TBC1D17: variants seen among roughly 807,000 people sequenced by gnomAD.
The protein encoded by TBC1D17 is TBC1 domain family, member 17.
Under a neutral mutation model 78.8 loss-of-function variants are expected in TBC1D17, and 69 were observed. The observed-to-expected ratio is 0.88, with a 90% confidence interval of 0.72 to 1.07. TBC1D17 has a LOEUF of 1.07. Ranked by LOEUF, TBC1D17 falls within the 50% of genes least tolerant of loss-of-function variation. The probability of loss-of-function intolerance (pLI) is 0.00; values close to 1 mark genes in which losing one functional copy is unlikely to be tolerated. For missense variants in TBC1D17, 957 were observed against 861.0 expected (o/e 1.11, Z -1.39); for synonymous variants, 456 against 358.3 (o/e 1.27, Z -3.08).
chr19:49,883,550 G>C, intron 9 of TBC1D17, 101 bp from the exon 10 acceptor site: 1 of 938,582 alleles, frequency 1.1e-6, no homozygotes, highest in Admixed American at 2.0e-5. Flanking sequence ...TGGTCAGGGA[G>C]GGGCTCTGCA....
At chr19:49,883,115 C>G in intron 9 of TBC1D17, 39 bp downstream of exon 9, 1 of 1,558,742 alleles carries the variant, frequency 6.4e-7, no homozygotes, top group Non-Finnish European at 8.7e-7. Context: ...AGGCATGACA[C>G]CTGGTACCTC....
intron 5 of TBC1D17, 58 bp from the exon 6 acceptor site, chr19:49,881,983 G>A: frequency 1.4e-6 from 2 of 1,461,716 alleles, no homozygotes; most frequent in South Asian, 1.1e-5. Flanking sequence ...AGCACAGACA[G>A]CCTGGGACAC....
Position 49,882,078 on chromosome 19 carries a change from C to T in TBC1D17, c.565C>T (p.His189Tyr), listed in dbSNP as rs1282740977. 1.9e-6 allele frequency: 3 copies of T among 1,614,028 alleles called. No homozygotes were observed. Among genetic ancestry groups the T allele is most frequent in the African/African-American group, 2.7e-5 (2 of 74,920 alleles). ...QDSRLYLVFP[H>Y]DSSALSNSFH... ...CTCCCGCCTCTACCTTGTCTTCCCC[C>T]ACGACTCCTCTGCTCTCTCCAACTC... The change falls in exon 6 of 17, where the codon CAC (histidine) becomes TAC (tyrosine). Residue 189 changes from histidine (H) to tyrosine (Y), a missense_variant. By Grantham distance (83) the His-to-Tyr change is moderately conservative (BLOSUM62 2). Coordinates refer to ENST00000221543, the MANE Select transcript of TBC1D17 (RefSeq NM_024682.3).
intron 13 of TBC1D17, chr19:49,885,487 T>C (rs1367998821): frequency 1.3e-5 from 2 of 150,494 alleles, no homozygotes; most frequent in Non-Finnish European, 2.9e-5. Context: ...CTTTATTACT[T>C]GGTCAATGTA....
At position 49,882,364 on chromosome 19, in the gene TBC1D17, C is replaced by T. The variant is rs751204115; in HGVS notation, c.762C>T (p.Asp254=). ...GAASDLPPPP[D]DEPEPGFEVI... is the part of the protein sequence containing the mutation. ...CCTCCGACCTTCCCCCGCCACCCGA[C>T]GATGAGCCCGAGCCTGGATTCGAGG... The change falls in exon 7 of 17, where the codon GAC becomes GAT. Residue 254 remains aspartate (D), a synonymous_variant. Coordinates refer to ENST00000221543, the MANE Select transcript of TBC1D17 (RefSeq NM_024682.3). The T allele has an allele frequency of 9.3e-6, 15 of 1,609,228 alleles. No individual in the cohort carries two copies. The highest frequency in any genetic ancestry group is 4.5e-5 in the East Asian group (2 of 44,890).
In TBC1D17 at chr19:49,883,637, C is replaced by T. The variant is rs2075034703; in HGVS notation, c.1032-14C>T. On this transcript the variant is annotated splice_polypyrimidine_tract_variant and intron_variant, in intron 9 of 16. Coordinates refer to ENST00000221543, the MANE Select transcript of TBC1D17 (RefSeq NM_024682.3). ...CAGTGGCGGCCTCACATCTTGTTTC[C>T]CTCTGTCACTCAGGGATGAGTATTT... 2 of 1,612,446 alleles carry T rather than the reference C, an allele frequency of 1.2e-6. No homozygotes were observed. Among genetic ancestry groups the T allele is most frequent in the Non-Finnish European group, 8.5e-7 (1 of 1,178,710 alleles).
chr19:49,883,838 C>T (rs1353961514), intron 10 of TBC1D17, 93 bp downstream of exon 10: 2 of 1,101,060 alleles, frequency 1.8e-6, no homozygotes, highest in Admixed American at 1.9e-5. Flanking sequence ...GAGGGAGCCC[C>T]CTGCCTCCCC....
At chr19:49,880,511 A>C in intron 4 of TBC1D17, 109 bp downstream of exon 4, 1 of 1,379,526 alleles carries the variant, frequency 7.2e-7, no homozygotes, top group Non-Finnish European at 9.7e-7. Flanking sequence ...CAAGAAGGCC[A>C]CCAGTCACCA....
chr19:49,886,600 A>G (rs1415041550), intron 13 of TBC1D17: 2 of 152,186 alleles, frequency 1.3e-5, no homozygotes, highest in Non-Finnish European at 2.9e-5. Context: ...GCAGTTTTTC[A>G]TCACGGTGCA....
chr19:49,888,570 C>T lies in TBC1D17; in HGVS notation c.1893C>T (p.Pro631=), dbSNP rs745900000. ...PPPSTDTAPQ[P]DSSLEILPEE... The stretch of plus-strand genomic sequence containing the variant: ...CCTCCACGGACACAGCCCCGCAGCC[C>T]GACAGCAGCCTGGAGATCCTGCCCG... The change falls in exon 17 of 17, where the codon CCC becomes CCT. Residue 631 remains proline, a synonymous_variant. Transcript: ENST00000221543. 27 of 1,536,854 alleles carry T rather than the reference C, an allele frequency of 1.8e-5. 2 individuals carry two copies. In the South Asian group the frequency reaches 3.2e-4, roughly 18 times the overall value.
intron 14 of TBC1D17, 67 bp from the exon 15 acceptor site, chr19:49,887,651 C>A: frequency 6.2e-7 from 1 of 1,608,606 alleles, no homozygotes; most frequent in Non-Finnish European, 8.5e-7. Flanking sequence ...GAGGGACAGA[C>A]CCTGGTGGGA....
chr19:49,887,784 G>C lies in TBC1D17; in HGVS notation c.1609G>C (p.Glu537Gln), dbSNP rs1282231460. 1.2e-6 allele frequency: 2 copies of C among 1,612,906 alleles called. No homozygotes were observed. Among genetic ancestry groups the C allele is most frequent in the African/African-American group, 1.3e-5 (1 of 74,934 alleles). ...GGTGGCCTGCGCCATCCTGGACATG[G>C]AGAGGGACACCCTCATGCTGTCCGG... ...LLVACAILDM[E>Q]RDTLMLSGFG... Residue 537 changes from glutamate (E) to glutamine (Q), a missense_variant, in exon 15 of 17, where the codon GAG (glutamate) becomes CAG (glutamine). By Grantham distance (29) the Glu-to-Gln change is conservative (BLOSUM62 2). Transcript: ENST00000221543.
chr19:49,878,742 C>A, intron 3 of TBC1D17, 170 bp downstream of exon 3: 1 of 618,648 alleles, frequency 1.6e-6, no homozygotes. Flanking sequence ...GTGAAATGGG[C>A]AGAGGATGCC....
rs777183309 is a variant in TBC1D17, at chr19:49,888,280, G to A, written c.1709G>A (p.Arg570His). The A allele has an allele frequency of 6.3e-7, 1 of 1,592,308 alleles. No individual in the cohort carries two copies. Among genetic ancestry groups the A allele is most frequent in the East Asian group, 2.3e-5 (1 of 43,948 alleles). The stretch of plus-strand genomic sequence containing the variant: ...CTGAGCGTGGAGGACGTGCTGACCC[G>A]CGCCGAGGCCCTGCACCGCCAGCTA... ...MKLSVEDVLT[R>H]AEALHRQLTA... The change falls in exon 16 of 17, where the codon CGC (arginine) becomes CAC (histidine). Residue 570 changes from arginine (R) to histidine (H), a missense_variant. By Grantham distance (29) the Arg-to-His change is conservative (BLOSUM62 0). Transcript: ENST00000221543.
At chr19:49,879,972 C>T (rs1375106901) in intron 3 of TBC1D17, among the ~76,000 whole-genome samples, 2 of 151,708 alleles carry the variant, frequency 1.3e-5, no homozygotes, top group Admixed American at 6.6e-5. Flanking sequence ...TCCTTTCTCA[C>T]CCTCCCGAGT....
rs578178317 is a variant in TBC1D17 at position 49,882,100 on chromosome 19, A to T, written c.587A>T (p.Asn196Ile). Residue 196 changes from asparagine (N) to isoleucine (I), a missense_variant, in exon 6 of 17, where the codon AAC (asparagine) becomes ATC (isoleucine). Physicochemically the swap from Asn to Ile is moderately radical, Grantham distance 149. Transcript: ENST00000221543. Reference sequence around the variant, plus strand: ...CCCCACGACTCCTCTGCTCTCTCCAACTCCTTCCACCACCTGCAGCTCTTT... The same window carrying T: ...CCCCACGACTCCTCTGCTCTCTCCATCTCCTTCCACCACCTGCAGCTCTTT... ...VFPHDSSALS[N>I]SFHHLQLFDQ... 2 of 1,612,896 alleles carry T rather than the reference A, an allele frequency of 1.2e-6. No individual in the cohort carries two copies. Among genetic ancestry groups the T allele is most frequent in the East Asian group, 4.5e-5 (2 of 44,840 alleles).
chr19:49,882,211 G>T, intron 6 of TBC1D17, 31 bp from the exon 7 acceptor site: 1 of 1,612,780 alleles, frequency 6.2e-7, no homozygotes. Flanking sequence ...AGAAGGGGCG[G>T]GCCGTGACCT....
intron 7 of TBC1D17, 90 bp downstream of exon 7, chr19:49,882,490 GT>G: frequency 6.5e-7 from 1 of 1,529,082 alleles, no homozygotes; most frequent in Non-Finnish European, 8.8e-7. Flanking sequence ...TTCCTCTTTG[GT>G]AAAACGGGGA....
chr19:49,878,216 C>G lies in TBC1D17; in HGVS notation c.95C>G (p.Ala32Gly), dbSNP rs1250689785. Reference sequence around the variant, plus strand: ...TATCAGGACCGAGACTCTCTCATCGCTGGTGTCATCCGTGTCGTGGAAAAG... The same window carrying G: ...TATCAGGACCGAGACTCTCTCATCGGTGGTGTCATCCGTGTCGTGGAAAAG... ...KKYQDRDSLI[A>G]GVIRVVEKDN... Residue 32 changes from alanine (A) to glycine (G), a missense_variant, in exon 2 of 17, where the codon GCT becomes GGT. Physicochemically the swap from Ala to Gly is moderately conservative, Grantham distance 60. Transcript: ENST00000221543. 1.9e-6 allele frequency: 3 copies of G among 1,561,946 alleles called. No homozygotes were observed. The highest frequency in any genetic ancestry group is 1.2e-5 in the South Asian group (1 of 84,932).
Sources: gnomAD v4.1 joint callset for allele counts (sites outside exome capture counted in the v4.1 genomes callset) on GRCh38, gnomAD v4.1.1 for gene constraint, MANE v1.5 for transcripts, NCBI Gene and HGNC (gene_info 2026-07-23, HGNC 2026-07-21) for gene names.